BSPH1: variants seen among roughly 807,000 people sequenced by gnomAD.
BSPH1 encodes binder of sperm 1.
A neutral mutation model predicts 22.5 loss-of-function variants in BSPH1; 21 were observed. That is an observed-to-expected ratio of 0.93 (90% CI 0.66 to 1.35). The LOEUF (loss-of-function observed/expected upper bound fraction) is 1.35, where lower values mean the gene tolerates loss of function less well. Ranked by LOEUF, BSPH1 falls within the 40% of genes most tolerant of loss-of-function variation. The pLI is 0.00. For synonymous variants in BSPH1, 42 were observed against 53.6 expected (o/e 0.78, Z 0.95); for missense variants, 141 against 154.2 (o/e 0.91, Z 0.45).
chr19:47,986,751 A>AAAAAAT (rs141100552), intron 1 of BSPH1, among the ~76,000 whole-genome samples: 21,848 of 151,322 alleles, frequency 0.14, 1,846 homozygotes, highest in Middle Eastern at 0.2. Flanking sequence ...TCTAAAAATA[A>AAAAAAT]AATAAAATAA....
chr19:47,980,312 T>A (rs1969406844), intron 2 of BSPH1: 1 of 178,958 alleles, frequency 5.6e-6, no homozygotes, highest in Non-Finnish European at 1.1e-5. Context: ...TACGGAAAAA[T>A]TTGTACTTCA....
At chr19:47,979,523 T>C in intron 3 of BSPH1, 47 bp downstream of exon 3, 1 of 964,394 alleles carries the variant, frequency 1.0e-6, no homozygotes, top group Non-Finnish European at 1.5e-6. Context: ...TTTTACAAAA[T>C]TAAAAGAAAA....
intron 5 of BSPH1, among the ~76,000 whole-genome samples, chr19:47,969,790 A>T (rs1331946371): frequency 6.7e-6 from 1 of 148,780 alleles, no homozygotes; most frequent in Non-Finnish European, 1.5e-5. Context: ...TGTGTGTGTG[A>T]GAGAGACTTC....
intron 5 of BSPH1, 124 bp downstream of exon 5, chr19:47,976,582 GAAAA>G: frequency 2.4e-6 from 1 of 413,268 alleles, no homozygotes; most frequent in Non-Finnish European, 3.9e-6. Flanking sequence ...TCACATCCCA[GAAAA>G]AAAAAAAAAA....
intron 2 of BSPH1, among the ~76,000 whole-genome samples, chr19:47,979,913 A>G (rs1969402593): frequency 6.6e-6 from 1 of 152,074 alleles, no homozygotes; most frequent in Non-Finnish European, 1.5e-5. Flanking sequence ...GTTGGTTCTT[A>G]TCAGTATAGA....
At chr19:47,986,069 A>G (rs1479475975) in intron 1 of BSPH1, among the ~76,000 whole-genome samples, 1 of 152,068 alleles carries the variant, frequency 6.6e-6, no homozygotes, top group Admixed American at 6.6e-5. Flanking sequence ...GAGTCTGGGG[A>G]AGCTGGTCGA....
intron 5 of BSPH1, among the ~76,000 whole-genome samples, chr19:47,975,335 T>C (rs1488099127): frequency 2.6e-5 from 4 of 152,150 alleles, no homozygotes; most frequent in Non-Finnish European, 5.9e-5. Flanking sequence ...CTGGCCTCTA[T>C]AATCAAATTG....
rs150136937 is a variant in BSPH1 at position 47,971,130 on chromosome 19, G to T, written c.*3-2921C>A. Among the ~76,000 whole-genome samples, 792 of 152,172 alleles carry T rather than the reference G, an allele frequency of 5.2e-3. 7 individuals carry two copies. Among genetic ancestry groups the T allele is most frequent in the South Asian group, 0.037 (180 of 4,814 alleles). On this transcript the variant is annotated intron_variant, in intron 5 of 5. Transcript: ENST00000344839. ...TCTCTAAAGCATTATCACTGGGACC[G>T]TCCCTGCTTTGGCTCTTCCTACCTT...
rs1255097179 is a variant in BSPH1, at chr19:47,979,447, T to C, written c.124+123A>G. On this transcript the variant is annotated intron_variant, in intron 3 of 5. Transcript: ENST00000344839. ...TCTTTATCTGTTTATGAGGCACTTA[T>C]GTTACATTTTATATAAGGAGAAAAA... is the stretch of plus-strand genomic sequence containing the variant. 19 of 559,444 alleles carry C rather than the reference T, an allele frequency of 3.4e-5. No individual in the cohort carries two copies. In the East Asian group the frequency reaches 6.2e-4, roughly 18 times the overall value. The allele number at this position is 559,444 out of a possible 1,614,324, so 34.7% of individuals were successfully genotyped here. A position where few individuals can be genotyped will look rare whatever the true frequency, so the allele number is the denominator to read the frequency against.
intron 3 of BSPH1, among the ~76,000 whole-genome samples, chr19:47,978,006 A>ATATATATAGT (rs1555731520): frequency 1.0e-5 from 1 of 96,694 alleles, no homozygotes; most frequent in Non-Finnish European, 2.1e-5. Flanking sequence ...TACAGGATAT[A>ATATATATAGT]TATATATATA....
At chr19:47,972,177 T>G (rs945452060) in intron 5 of BSPH1, among the ~76,000 whole-genome samples, 6 of 152,174 alleles carry the variant, frequency 3.9e-5, no homozygotes, top group African/African-American at 1.4e-4. Context: ...TAAAATCTGC[T>G]AGATTTCACA....
intron 1 of BSPH1, among the ~76,000 whole-genome samples, chr19:47,981,224 C>G (rs1969416833): frequency 1.3e-5 from 2 of 150,480 alleles, no homozygotes; most frequent in South Asian, 4.2e-4. Context: ...TCACATTTTT[C>G]TATAAAATAA....
At chr19:47,980,208 A>ATAAT (rs71181622) in intron 2 of BSPH1, among the ~76,000 whole-genome samples, 105,891 of 151,186 alleles carry the variant, frequency 0.7, 37,602 homozygotes, top group African/African-American at 0.81. Flanking sequence ...ATTAAAAATA[A>ATAAT]TAATTAAAAA....
At chr19:47,976,962 C>G (rs779660223) in intron 4 of BSPH1, 108 bp from the exon 5 acceptor site, 2 of 1,094,650 alleles carry the variant, frequency 1.8e-6, no homozygotes, top group Non-Finnish European at 2.6e-6. Context: ...TGTGCATGCA[C>G]GTGAACAAAT....
intron 5 of BSPH1, among the ~76,000 whole-genome samples, chr19:47,974,026 C>T (rs1399283861): frequency 1.3e-5 from 2 of 152,144 alleles, no homozygotes; most frequent in Non-Finnish European, 2.9e-5. Context: ...GTGGTGAAAT[C>T]TCATAATTTA....
At chr19:47,986,912 C>T (rs1280031084) in intron 1 of BSPH1, among the ~76,000 whole-genome samples, 1 of 152,114 alleles carries the variant, frequency 6.6e-6, no homozygotes, top group Admixed American at 6.5e-5. Context: ...TATTCCATGC[C>T]TCTCTCCTTG....
At chr19:47,986,211 C>T (rs923337237) in intron 1 of BSPH1, among the ~76,000 whole-genome samples, 1 of 152,194 alleles carries the variant, frequency 6.6e-6, no homozygotes, top group African/African-American at 2.4e-5. Flanking sequence ...CAGGAGTCTT[C>T]CCAAAGTGCT....
intron 1 of BSPH1, among the ~76,000 whole-genome samples, chr19:47,989,312 ATTG>A (rs1969501463): frequency 6.6e-6 from 1 of 151,620 alleles, no homozygotes; most frequent in African/African-American, 2.4e-5. Flanking sequence ...TGCCCGGCTA[ATTG>A]TTGTATTTTT....
Position 47,979,595 on chromosome 19 carries a change from A to C in BSPH1, c.99T>G (p.Thr33=). ...CTGTAACTTCTGGAAAATGAGTTAT[A>C]GTTTCTGAAAAATAAAATTTAGAGC... ...ILNELSSTVE[T]ITHFPEVTDG... Residue 33 remains threonine, a synonymous_variant, in exon 3 of 6, where the codon ACT becomes ACG. Coordinates refer to ENST00000344839, the MANE Select transcript of BSPH1 (RefSeq NM_001128326.2). 7.5e-7 allele frequency: 1 copy of C among 1,332,480 alleles called. No individual in the cohort carries two copies. The highest frequency in any genetic ancestry group is 1.5e-5 in the South Asian group (1 of 66,078). 82.5% of individuals were successfully genotyped at this position (1,332,480 alleles called of 1,614,324 possible).
Sources: allele counts gnomAD v4.1 joint callset (sites outside exome capture counted in the v4.1 genomes callset), GRCh38; gene constraint gnomAD v4.1.1; transcripts MANE v1.5; gene names NCBI Gene and HGNC (gene_info 2026-07-23, HGNC 2026-07-21).